The following TBC1D22A variants were observed in gnomAD, a reference collection of about 807,000 sequenced individuals.
The protein encoded by TBC1D22A is TBC1 domain family member 22A, also known as putative GTPase activator.
Under a neutral mutation model 60.2 loss-of-function variants are expected in TBC1D22A, and 38 were observed. The ratio of observed to expected loss-of-function variants is 0.63; its 90% CI spans 0.49 to 0.83. The LOEUF is 0.83. Among genes scored for constraint, TBC1D22A ranks in the 40% least tolerant of loss-of-function variants. The pLI is 0.00. For synonymous variants in TBC1D22A, 302 were observed against 281.7 expected (o/e 1.07, Z -0.72); for missense variants, 628 against 701.0 (o/e 0.90, Z 1.18).
At chr22:47,034,100 C>T (rs2062578317) in intron 10 of TBC1D22A, among the ~76,000 whole-genome samples, 1 of 151,862 alleles carries the variant, frequency 6.6e-6, no homozygotes, top group Admixed American at 6.5e-5. Flanking sequence ...ACTATGGGAA[C>T]CATTTTTTGG....
intron 11 of TBC1D22A, among the ~76,000 whole-genome samples, chr22:47,110,767 C>T (rs990761077): frequency 1.3e-5 from 2 of 152,222 alleles, no homozygotes; most frequent in African/African-American, 4.8e-5. Context: ...GGGGAACCCT[C>T]AGTCTTTGCA....
At position 47,153,872 on chromosome 22, in the gene TBC1D22A, C is replaced by T. The variant is rs138059244; in HGVS notation, c.1426-19626C>T. Among the ~76,000 whole-genome samples the T allele has an allele frequency of 7.2e-5, 11 of 152,154 alleles. No individual in the cohort carries two copies. The East Asian group carries it at 1.9e-3, about 27-fold the overall frequency. ...GGCAAAGGCAGCTTGACAGGGGTGA[C>T]GATGAGTCCCGTGTGGAGGCGGGGA... is the stretch of plus-strand genomic sequence containing the variant. On this transcript the variant is annotated intron_variant, in intron 12 of 12. Coordinates refer to ENST00000337137, the MANE Select transcript of TBC1D22A (RefSeq NM_014346.5).
intron 1 of TBC1D22A, among the ~76,000 whole-genome samples, chr22:46,774,507 C>T (rs1177898342): frequency 6.6e-6 from 1 of 152,238 alleles, no homozygotes; most frequent in East Asian, 1.9e-4. Flanking sequence ...CTTAGAATAC[C>T]TGTGGGTTTC....
Position 46,797,554 on chromosome 22 carries a change from A to C in TBC1D22A, c.571A>C (p.Ser191Arg). 1 of 1,613,636 alleles carries C rather than the reference A, an allele frequency of 6.2e-7. No homozygotes were observed. Among genetic ancestry groups the C allele is most frequent in the Non-Finnish European group, 8.5e-7 (1 of 1,179,754 alleles). Residue 191 changes from serine to arginine, a missense_variant, in exon 4 of 13, where the codon AGC becomes CGC. By Grantham distance (110) the Ser-to-Arg change is moderately radical. Transcript: ENST00000337137. ...DPSTLSSSAL[S>R]EREASRLDKF... ...CAGCACTCTCAGCAGCTCAGCGCTG[A>C]GCGAAAGAGAGGCCTCCCGGCTCGA...
chr22:46,937,564 T>G (rs1208590781), intron 8 of TBC1D22A, among the ~76,000 whole-genome samples: 1 of 152,118 alleles, frequency 6.6e-6, no homozygotes, highest in Non-Finnish European at 1.5e-5. Flanking sequence ...TAATCGTTAT[T>G]TTAGAATGTA....
At chr22:46,812,678 G>A (rs751775884) in intron 4 of TBC1D22A, among the ~76,000 whole-genome samples, 3 of 152,204 alleles carry the variant, frequency 2.0e-5, no homozygotes, top group Admixed American at 6.5e-5. Context: ...ACTGTGTTTA[G>A]CGAAAATGGA....
At chr22:47,134,602 A>G (rs1315279262) in intron 12 of TBC1D22A, among the ~76,000 whole-genome samples, 3 of 152,220 alleles carry the variant, frequency 2.0e-5, no homozygotes, top group Non-Finnish European at 4.4e-5. Context: ...TGTAAAAGGA[A>G]TCAAAAAGCA....
intron 12 of TBC1D22A, among the ~76,000 whole-genome samples, chr22:47,121,773 C>T (rs924967493): frequency 3.3e-5 from 5 of 151,778 alleles, no homozygotes; most frequent in African/African-American, 1.2e-4. Context: ...GGTTTTCTCA[C>T]TAGGGTTAAT....
At chr22:47,154,297 CTGAG>C (rs977162578) in intron 12 of TBC1D22A, among the ~76,000 whole-genome samples, 8 of 152,238 alleles carry the variant, frequency 5.3e-5, no homozygotes, top group Non-Finnish European at 1.0e-4. Context: ...CTGCCACGCG[CTGAG>C]TGAGTCTGAG....
intron 8 of TBC1D22A, chr22:46,913,305 C>T (rs770348514): frequency 9.6e-6 from 13 of 1,360,600 alleles, no homozygotes; most frequent in South Asian, 2.3e-5. Context: ...ACTTGGTGCT[C>T]GCCTGTTGTT....
At chr22:46,980,430 C>G (rs1273781022) in intron 9 of TBC1D22A, among the ~76,000 whole-genome samples, 1 of 152,240 alleles carries the variant, frequency 6.6e-6, no homozygotes, top group Non-Finnish European at 1.5e-5. Context: ...ATCCCCCTGC[C>G]TTGGCCTCCC....
intron 11 of TBC1D22A, among the ~76,000 whole-genome samples, chr22:47,056,775 T>A (rs569629024): frequency 6.6e-6 from 1 of 152,290 alleles, no homozygotes; most frequent in East Asian, 1.9e-4. Context: ...GAGCAGCATC[T>A]GGGGTGGATA....
At chr22:47,077,242 A>G (rs1364592563) in intron 11 of TBC1D22A, among the ~76,000 whole-genome samples, 4 of 152,190 alleles carry the variant, frequency 2.6e-5, no homozygotes, top group Non-Finnish European at 4.4e-5. Flanking sequence ...CTCTGTGTGC[A>G]TTCACTACTC....
chr22:47,112,450 C>T (rs1162498910), intron 12 of TBC1D22A, among the ~76,000 whole-genome samples: 4 of 152,204 alleles, frequency 2.6e-5, no homozygotes, highest in East Asian at 1.9e-4. Context: ...GGACCTAGGT[C>T]CCCAGGGCAG....
intron 5 of TBC1D22A, among the ~76,000 whole-genome samples, chr22:46,884,008 C>T (rs907273285): frequency 6.6e-5 from 10 of 152,138 alleles, no homozygotes; most frequent in African/African-American, 2.2e-4. Flanking sequence ...CTCTGCACGT[C>T]GTGATCACTC....
chr22:46,790,228 G>T (rs964076057), intron 1 of TBC1D22A, among the ~76,000 whole-genome samples: 7 of 152,220 alleles, frequency 4.6e-5, no homozygotes, highest in African/African-American at 1.7e-4. Flanking sequence ...ACGTTCCTTG[G>T]CATACAGCCC....
intron 7 of TBC1D22A, among the ~76,000 whole-genome samples, chr22:46,897,986 A>C (rs1445588452): frequency 6.6e-6 from 1 of 152,184 alleles, no homozygotes; most frequent in Non-Finnish European, 1.5e-5. Context: ...TATCCAACAG[A>C]AGTAGTCATT....
At chr22:47,081,473 C>T (rs931883960) in intron 11 of TBC1D22A, among the ~76,000 whole-genome samples, 1 of 152,114 alleles carries the variant, frequency 6.6e-6, no homozygotes, top group African/African-American at 2.4e-5. Context: ...TTCAGTATTG[C>T]TCTGGGGAGT....
intron 11 of TBC1D22A, among the ~76,000 whole-genome samples, chr22:47,105,061 A>G (rs556015210): frequency 6.6e-6 from 1 of 152,214 alleles, no homozygotes; most frequent in Admixed American, 6.5e-5. Context: ...GGACCTCCTG[A>G]GGGCTGTATC....
Sources: gnomAD v4.1 joint callset for allele counts (sites outside exome capture counted in the v4.1 genomes callset) on GRCh38, gnomAD v4.1.1 for gene constraint, MANE v1.5 for transcripts, NCBI Gene and HGNC (gene_info 2026-07-23, HGNC 2026-07-21) for gene names.